Variants in PKD1L1 observed in about 807,000 individuals in gnomAD.
PKD1L1 encodes polycystin-1-like protein 1.
In PKD1L1, 236 loss-of-function variants were observed where a neutral mutation model predicts 323.4. The ratio of observed to expected loss-of-function variants is 0.73; its 90% CI spans 0.66 to 0.81. The LOEUF (loss-of-function observed/expected upper bound fraction) is 0.81, where lower values mean the gene tolerates loss of function less well. PKD1L1 is among the 40% of genes least tolerant of loss of function. The pLI, the probability that PKD1L1 is intolerant of heterozygous loss-of-function variation, is 0.00. For synonymous variants in PKD1L1, 1,344 were observed against 1,335.0 expected (o/e 1.01, Z -0.15); for missense variants, 3,320 against 3,508.0 (o/e 0.95, Z 1.35).
At chr7:47,781,407 TTG>T (rs1491052303) in intron 56 of PKD1L1, among the ~76,000 whole-genome samples, 13 of 78,992 alleles carry the variant, frequency 1.6e-4, no homozygotes, top group African/African-American at 5.5e-4. Flanking sequence ...TTGTTTTGTT[TTG>T]TTTTTTTTTT....
intron 8 of PKD1L1, 104 bp downstream of exon 8, chr7:47,915,328 C>A: frequency 1.4e-6 from 1 of 691,172 alleles, no homozygotes; most frequent in South Asian, 1.6e-5. Context: ...GAGTGTATAG[C>A]CAATCACTAA....
At chr7:47,846,550 A>T (rs1367720213) in intron 32 of PKD1L1, among the ~76,000 whole-genome samples, 1 of 152,232 alleles carries the variant, frequency 6.6e-6, no homozygotes, top group Non-Finnish European at 1.5e-5. Context: ...GAAAACTGAC[A>T]GGTTCATCTA....
At chr7:47,821,507 G>A (rs1008506110) in intron 45 of PKD1L1, among the ~76,000 whole-genome samples, 8 of 152,090 alleles carry the variant, frequency 5.3e-5, no homozygotes, top group Non-Finnish European at 8.8e-5. Flanking sequence ...GACCTCAGGT[G>A]ATCCACCTGC....
At position 47,902,582 on chromosome 7, in the gene PKD1L1, T is replaced by C. The variant is rs1222292906; in HGVS notation, c.1932-71A>G. The C allele has an allele frequency of 4.8e-5, 73 of 1,513,354 alleles. 1 individual carries two copies. The highest frequency in any genetic ancestry group is 6.4e-5 in the Non-Finnish European group (71 of 1,107,304). 93.7% of individuals were successfully genotyped at this position (1,513,354 alleles called of 1,614,324 possible). A position where few individuals can be genotyped will look rare whatever the true frequency, so the allele number is the denominator to read the frequency against. On this transcript the variant is annotated intron_variant, in intron 12 of 56. Coordinates refer to ENST00000289672, the MANE Select transcript of PKD1L1 (RefSeq NM_138295.5). ...ACGTCAGGCTTTCATTCACTCTTCA[T>C]ACCCACTCATATCTGCAGAATTATA...
At chr7:47,819,500 C>T in intron 46 of PKD1L1, 1 of 1,314,572 alleles carries the variant, frequency 7.6e-7, no homozygotes, top group Admixed American at 2.6e-5. Flanking sequence ...CTTTGTTTTG[C>T]ACACAGCACC....
Position 47,839,763 on chromosome 7 carries a change from G to T in PKD1L1, c.5553-101C>A. Reference sequence around the variant, plus strand: ...ACCCTCAAGGCACTGATGGCCCACAGAGGGTGGATGGGACATGTCAAAGGT... The same window carrying T: ...ACCCTCAAGGCACTGATGGCCCACATAGGGTGGATGGGACATGTCAAAGGT... On this transcript the variant is annotated intron_variant, in intron 35 of 56. Coordinates refer to ENST00000289672, the MANE Select transcript of PKD1L1 (RefSeq NM_138295.5). The surrounding 1 kb of genome is among the most constrained non-coding windows in gnomAD (Gnocchi z 4.3). The T allele has an allele frequency of 8.8e-7, 1 of 1,142,016 alleles. No individual in the cohort carries two copies. The highest frequency in any genetic ancestry group is 1.5e-5 in the South Asian group (1 of 66,202). The allele number at this position is 1,142,016 out of a possible 1,614,324, so 70.7% of individuals were successfully genotyped here. A position where few individuals can be genotyped will look rare whatever the true frequency, so the allele number is the denominator to read the frequency against.
chr7:47,795,904 G>C (rs1784515174), intron 55 of PKD1L1, 85 bp downstream of exon 55: 3 of 1,467,988 alleles, frequency 2.0e-6, no homozygotes, highest in East Asian at 2.3e-5. Flanking sequence ...CTCATGCTTT[G>C]ATAACTGAAA....
At chr7:47,827,235 C>A in intron 45 of PKD1L1, 115 bp downstream of exon 45, 1 of 932,268 alleles carries the variant, frequency 1.1e-6, no homozygotes, top group Non-Finnish European at 1.6e-6. Context: ...TCCCCACCTC[C>A]ACTCCCCACT....
intron 46 of PKD1L1, among the ~76,000 whole-genome samples, chr7:47,818,924 G>T (rs1404615014): frequency 2.6e-5 from 4 of 152,162 alleles, no homozygotes; most frequent in African/African-American, 4.8e-5. Context: ...CAGTAGTCCA[G>T]TTCCCTCCCT....
At chr7:47,948,142 A>G (rs950838253) in intron 1 of PKD1L1, among the ~76,000 whole-genome samples, 4 of 152,186 alleles carry the variant, frequency 2.6e-5, no homozygotes, top group Admixed American at 2.6e-4. Context: ...CAGGAAGAGC[A>G]ATCAGCACTT....
intron 21 of PKD1L1, among the ~76,000 whole-genome samples, chr7:47,880,284 A>ATATTTTTTTTTTTT (rs1225214936): frequency 1.6e-4 from 9 of 56,780 alleles, no homozygotes; most frequent in African/African-American, 4.3e-4. Flanking sequence ...ATATATATAT[A>ATATTTTTTTTTTTT]TTTTTTTTTT....
rs757576191 is a variant in PKD1L1 at position 47,866,539 on chromosome 7, A to G, written c.3972T>C (p.Thr1324=). The change falls in exon 25 of 57, where the codon ACT becomes ACC. Residue 1324 remains threonine (T), a synonymous_variant. Coordinates refer to ENST00000289672, the MANE Select transcript of PKD1L1 (RefSeq NM_138295.5). ...AACGACTCAGGATTCTGGTGATCAC[A>G]GTGATGTAGTTCCTGATTTCTGTGT... ...GSYTEIRNYI[T]VITRILSRLS... The G allele has an allele frequency of 1.2e-6, 2 of 1,613,738 alleles. No homozygotes were observed. The highest frequency in any genetic ancestry group is 2.7e-5 in the African/African-American group (2 of 74,912).
At chr7:47,792,273 T>G (rs1287381988) in intron 56 of PKD1L1, among the ~76,000 whole-genome samples, 2 of 152,178 alleles carry the variant, frequency 1.3e-5, no homozygotes, top group South Asian at 2.1e-4. Context: ...TGGCATCCAT[T>G]CTTGAGATTA....
At chr7:47,884,522 T>C (rs982937295) in intron 19 of PKD1L1, 76 bp downstream of exon 19, 2 of 1,337,256 alleles carry the variant, frequency 1.5e-6, no homozygotes, top group Non-Finnish European at 2.1e-6. Flanking sequence ...AGGGAACAGG[T>C]GGGAAATCCA....
Position 47,833,022 on chromosome 7 carries a change from G to T in PKD1L1, c.6337+68C>A, listed in dbSNP as rs1583605044. The T allele has an allele frequency of 1.1e-5, 17 of 1,523,310 alleles. No homozygotes were observed. The East Asian group carries it at 1.8e-4, about 17-fold the overall frequency. 94.4% of individuals were successfully genotyped at this position (1,523,310 alleles called of 1,614,324 possible). On this transcript the variant is annotated intron_variant, in intron 41 of 56. Coordinates refer to ENST00000289672, the MANE Select transcript of PKD1L1 (RefSeq NM_138295.5). ...GCCCAATTGTGACTCTGCTTGCCCT[G>T]CCTCTCCCAATGGCTGCAGGTCTGC...
At chr7:47,905,358 C>T (rs771099751) in intron 10 of PKD1L1, 33 bp from the exon 11 acceptor site, 7 of 1,603,560 alleles carry the variant, frequency 4.4e-6, no homozygotes, top group Non-Finnish European at 6.0e-6. Flanking sequence ...ATGTCTATGT[C>T]AACATAGGAG....
intron 56 of PKD1L1, among the ~76,000 whole-genome samples, chr7:47,775,700 A>G (rs1368351992): frequency 6.6e-6 from 1 of 152,184 alleles, no homozygotes; most frequent in African/African-American, 2.4e-5. Flanking sequence ...AAATGACCTT[A>G]GCTCTTATGT....
chr7:47,842,166 G>T (rs1288351348), intron 34 of PKD1L1, among the ~76,000 whole-genome samples: 2 of 152,182 alleles, frequency 1.3e-5, no homozygotes, highest in African/African-American at 4.8e-5. Context: ...TGCATTGCTT[G>T]TGAATATATA....
intron 37 of PKD1L1, among the ~76,000 whole-genome samples, chr7:47,835,732 A>G (rs185690420): frequency 3.9e-3 from 596 of 152,114 alleles, no homozygotes; most frequent in Non-Finnish European, 5.5e-3. Flanking sequence ...TTCATGTTCA[A>G]TATTCGTTCT....
Sources: allele counts gnomAD v4.1 joint callset (sites outside exome capture counted in the v4.1 genomes callset), GRCh38; gene constraint gnomAD v4.1.1; non-coding constraint Gnocchi (gnomAD v3.1); transcripts MANE v1.5; gene names NCBI Gene and HGNC (gene_info 2026-07-23, HGNC 2026-07-21).